The following CDC42BPB variants were observed in gnomAD, a reference collection of about 807,000 sequenced individuals.
The protein encoded by CDC42BPB is CDC42 binding protein kinase beta.
Under a neutral mutation model 214.9 loss-of-function variants are expected in CDC42BPB, and 37 were observed. The observed-to-expected ratio is 0.17, with a 90% CI of 0.13 to 0.23. CDC42BPB has a LOEUF of 0.23. CDC42BPB is among the 10% of genes least tolerant of loss of function. The pLI, the probability that CDC42BPB is intolerant of heterozygous loss-of-function variation, is 1.00. For synonymous variants in CDC42BPB, 931 were observed against 884.0 expected (o/e 1.05, Z -0.94); for missense variants, 1,694 against 2,227.0 (o/e 0.76, Z 4.82).
chr14:102,957,982 C>T (rs1892786451), intron 21 of CDC42BPB, among the ~76,000 whole-genome samples: 2 of 152,236 alleles, frequency 1.3e-5, no homozygotes, highest in Non-Finnish European at 2.9e-5. Context: ...CAGACAAACC[C>T]AGAGTGGACA....
intron 36 of CDC42BPB, among the ~76,000 whole-genome samples, chr14:102,935,623 C>G (rs911250389): frequency 3.3e-5 from 5 of 152,092 alleles, no homozygotes; most frequent in Admixed American, 6.6e-5. Flanking sequence ...AACCCCGCCT[C>G]TACTAAAAAT....
chr14:102,962,637 G>A (rs1385582961), intron 20 of CDC42BPB, among the ~76,000 whole-genome samples: 1 of 152,164 alleles, frequency 6.6e-6, no homozygotes, highest in Admixed American at 6.5e-5. Context: ...ATTGCCTGAG[G>A]TCAGGAGTTG....
chr14:102,952,754 C>G, intron 23 of CDC42BPB, 151 bp from the exon 24 acceptor site: 1 of 1,440,318 alleles, frequency 6.9e-7, no homozygotes. Context: ...TGTTCCCTAA[C>G]AGGGCTCATC....
chr14:102,944,263 C>A lies in CDC42BPB; in HGVS notation c.4036G>T (p.Val1346Leu). The stretch of plus-strand genomic sequence containing the variant: ...CAAAGGATCAGCCGTTTCACGGCCA[C>A]AAACAGGCAGGTGCCAGAGTTCCTC... ...LKRNSGTCLF[V>L]AVKRLILCYE... is the part of the protein sequence containing the mutation. Residue 1346 changes from valine (V) to leucine (L), a missense_variant, in exon 30 of 37, where the codon GTG becomes TTG. By Grantham distance (32) the Val-to-Leu change is conservative. Coordinates refer to ENST00000361246, the MANE Select transcript of CDC42BPB (RefSeq NM_006035.4). This position sits in a 1 kb window ranked among gnomAD's most constrained non-coding sequence, Gnocchi z 6.6. 4 of 1,613,280 alleles carry A rather than the reference C, an allele frequency of 2.5e-6. No homozygotes were observed. The highest frequency in any genetic ancestry group is 3.4e-6 in the Non-Finnish European group (4 of 1,180,046).
chr14:102,985,112 C>A (rs556258602), intron 6 of CDC42BPB, among the ~76,000 whole-genome samples: 1 of 150,896 alleles, frequency 6.6e-6, no homozygotes, highest in African/African-American at 2.5e-5. Context: ...GGAGGGTAAC[C>A]CATGTTCTGG....
intron 5 of CDC42BPB, among the ~76,000 whole-genome samples, chr14:102,994,321 G>A (rs939896023): frequency 1.8e-4 from 27 of 152,168 alleles, no homozygotes; most frequent in African/African-American, 5.8e-4. Flanking sequence ...ACGCACTGGG[G>A]GTCATCTGCG....
chr14:102,977,508 CCA>C (rs1266918649), intron 9 of CDC42BPB, among the ~76,000 whole-genome samples: 1 of 152,118 alleles, frequency 6.6e-6, no homozygotes, highest in Admixed American at 6.6e-5. Flanking sequence ...CCTCTTGGCC[CCA>C]GTTTCCTTTT....
At chr14:103,051,933 C>T (rs148281546) in intron 1 of CDC42BPB, among the ~76,000 whole-genome samples, 37 of 152,176 alleles carry the variant, frequency 2.4e-4, no homozygotes, top group African/African-American at 8.7e-4. Flanking sequence ...GCAACCTCTG[C>T]CTCCTGGGTT....
chr14:102,957,065 G>A (rs1892741770), intron 21 of CDC42BPB, among the ~76,000 whole-genome samples: 1 of 148,734 alleles, frequency 6.7e-6, no homozygotes, highest in Non-Finnish European at 1.5e-5. Flanking sequence ...GCCGGGCATA[G>A]TGGCGCGTGC....
chr14:102,990,041 G>A (rs1053714793), intron 5 of CDC42BPB, among the ~76,000 whole-genome samples: 5 of 152,082 alleles, frequency 3.3e-5, no homozygotes, highest in African/African-American at 7.2e-5. Flanking sequence ...GGTTGCCAGC[G>A]GAGGTGGGCA....
intron 13 of CDC42BPB, 125 bp from the exon 14 acceptor site, chr14:102,970,386 T>C (rs1893422129): frequency 7.1e-7 from 1 of 1,400,092 alleles, no homozygotes; most frequent in Non-Finnish European, 9.3e-7. Flanking sequence ...TCACCCTTCA[T>C]CAAATCTTAT....
In CDC42BPB at chr14:102,971,982, C is replaced by A. The variant is rs1239966591; in HGVS notation, c.1821G>T (p.Val607=). The A allele has an allele frequency of 6.8e-6, 11 of 1,614,250 alleles. No homozygotes were observed. The highest frequency in any genetic ancestry group is 9.3e-6 in the Non-Finnish European group (11 of 1,180,052). ...GCATGGCGTCCACCTTCTGCGTGGC[C>A]ACCTCCATCTCCTCCTCCTTGTCTC... ...QLRDKEEEME[V]ATQKVDAMRQ... The change falls in exon 13 of 37, where the codon GTG becomes GTT. Residue 607 remains valine, a synonymous_variant. Coordinates refer to ENST00000361246, the MANE Select transcript of CDC42BPB (RefSeq NM_006035.4).
intron 21 of CDC42BPB, among the ~76,000 whole-genome samples, chr14:102,956,812 G>C (rs1271984880): frequency 6.6e-6 from 1 of 151,958 alleles, no homozygotes; most frequent in African/African-American, 2.4e-5. Flanking sequence ...CTGGGCAGCA[G>C]AAGGAAGCCC....
chr14:102,982,123 T>C (rs1894032061), intron 7 of CDC42BPB, among the ~76,000 whole-genome samples: 1 of 152,222 alleles, frequency 6.6e-6, no homozygotes, highest in Middle Eastern at 3.2e-3. Context: ...TTTAACAGAA[T>C]TTGTCACTAA....
At chr14:103,041,559 G>A in intron 1 of CDC42BPB, 2 of 1,279,542 alleles carry the variant, frequency 1.6e-6, no homozygotes, top group Non-Finnish European at 2.2e-6. Context: ...CCGGCCCGAA[G>A]ATCCGCAGAT....
chr14:102,940,670 T>C (rs935666204), intron 30 of CDC42BPB: 1 of 353,680 alleles, frequency 2.8e-6, no homozygotes, highest in African/African-American at 2.1e-5. Flanking sequence ...CTCAACACTT[T>C]GGAAATTCAG....
rs369545971 is a variant in CDC42BPB, at chr14:102,983,688, G to A, written c.759C>T (p.Asp253=). 1.5e-5 allele frequency: 25 copies of A among 1,613,814 alleles called. No homozygotes were observed. The highest frequency in any genetic ancestry group is 1.0e-4 in the Admixed American group (6 of 60,004). Residue 253 remains aspartate, a synonymous_variant, in exon 7 of 37, where the codon GAC becomes GAT. Transcript: ENST00000361246. ...ACTCAGGCCCGTATTTGCCCATGCCGTCCTCCATCGCCTGCAGGATCTCCG... is the reference window on the plus strand; with the variant it reads ...ACTCAGGCCCGTATTTGCCCATGCCATCCTCCATCGCCTGCAGGATCTCCG... ...ISPEILQAME[D]GMGKYGPECD...
intron 2 of CDC42BPB, among the ~76,000 whole-genome samples, chr14:103,010,057 G>A (rs889375325): frequency 2.6e-5 from 4 of 152,088 alleles, no homozygotes; most frequent in East Asian, 1.9e-4. Context: ...AGGCTGGGGC[G>A]GGAGGGTTGC....
chr14:102,988,268 C>A (rs1029483934), intron 5 of CDC42BPB, among the ~76,000 whole-genome samples: 1 of 150,438 alleles, frequency 6.6e-6, no homozygotes, highest in African/African-American at 2.4e-5. Context: ...GAAGGCCCAA[C>A]AGATGCATAA....
Sources: gnomAD v4.1 joint callset for allele counts (sites outside exome capture counted in the v4.1 genomes callset) on GRCh38, gnomAD v4.1.1 for gene constraint, Gnocchi (gnomAD v3.1) non-coding constraint, MANE v1.5 for transcripts, NCBI Gene and HGNC (gene_info 2026-07-23, HGNC 2026-07-21) for gene names.